C22orf23: variants seen among roughly 807,000 people sequenced by gnomAD.
C22orf23 encodes the protein chromosome 22 open reading frame 23.
A neutral mutation model predicts 29.7 loss-of-function variants in C22orf23; 30 were observed. That is an observed-to-expected ratio of 1.01 (90% CI 0.76 to 1.37). The LOEUF is 1.37. Among genes scored for constraint, C22orf23 ranks in the 40% most tolerant of loss-of-function variants. The probability of loss-of-function intolerance (pLI) is 0.00; values close to 1 mark genes in which losing one functional copy is unlikely to be tolerated. For missense variants in C22orf23, 237 were observed against 273.1 expected (o/e 0.87, Z 0.93); for synonymous variants, 90 against 96.1 (o/e 0.94, Z 0.37).
rs140207177 is a variant in C22orf23 at position 37,950,298 on chromosome 22, G to C, written c.166+1162C>G. On this transcript the variant is annotated intron_variant, in intron 3 of 6. Coordinates refer to ENST00000403305, the MANE Select transcript of C22orf23 (RefSeq NM_032561.5). ...CAGCTAATTTTTGTATTGGCATAGA[G>C]ACAGGGTTTTACCATGTTGGCCAGG... Among the ~76,000 whole-genome samples, 1,047 of 150,742 alleles carry C rather than the reference G, an allele frequency of 6.9e-3. 10 individuals carry two copies. The highest frequency in any genetic ancestry group is 0.014 in the Middle Eastern group (4 of 278).
At position 37,953,141 on chromosome 22, in the gene C22orf23, T is replaced by G; in HGVS notation, c.9A>C (p.Ser3=). 1 of 1,612,858 alleles carries G rather than the reference T, an allele frequency of 6.2e-7. No homozygotes were observed. Among genetic ancestry groups the G allele is most frequent in the Non-Finnish European group, 8.5e-7 (1 of 1,179,052 alleles). MA[S]QKQMEVVTKG... ...TGGTCACTACCTCCATCTGCTTCTGTGAAGCCATGGGAGGACTCTGAGGAG... is the reference window on the plus strand; with the variant it reads ...TGGTCACTACCTCCATCTGCTTCTGGGAAGCCATGGGAGGACTCTGAGGAG... Residue 3 remains serine (S), a synonymous_variant, in exon 2 of 7, where the codon TCA becomes TCC. Coordinates refer to ENST00000403305, the MANE Select transcript of C22orf23 (RefSeq NM_032561.5).
intron 1 of C22orf23, 76 bp downstream of exon 1, chr22:37,953,372 T>G (rs1183289967): frequency 3.5e-6 from 2 of 576,438 alleles, no homozygotes; most frequent in Non-Finnish European, 6.2e-6. Flanking sequence ...CAGGGAAGTC[T>G]CCTCGGGAGG....
In C22orf23 at chr22:37,952,979, A is replaced by G. The variant is rs1270395972; in HGVS notation, c.103+68T>C. ...CATTCCCCACACCTCCGTCAGTGGA[A>G]AAATTGTCTTCCACGAAACCGGTCC... is the stretch of plus-strand genomic sequence containing the variant. On this transcript the variant is annotated intron_variant, in intron 2 of 6. Transcript: ENST00000403305. The G allele has an allele frequency of 1.5e-5, 17 of 1,169,480 alleles. No individual in the cohort carries two copies. The East Asian group carries it at 4.0e-4, about 28-fold the overall frequency. The allele number at this position is 1,169,480 out of a possible 1,614,324, so 72.4% of individuals were successfully genotyped here.
chr22:37,948,633 A>C (rs957447633), intron 3 of C22orf23, among the ~76,000 whole-genome samples: 5 of 152,188 alleles, frequency 3.3e-5, no homozygotes, highest in African/African-American at 1.2e-4. Context: ...AAAACAAAAC[A>C]AAATGAAACA....
chr22:37,948,312 T>C (rs936106027), intron 3 of C22orf23, among the ~76,000 whole-genome samples: 5 of 151,870 alleles, frequency 3.3e-5, no homozygotes, highest in African/African-American at 1.2e-4. Context: ...TAGCCAGGCA[T>C]TATGACGGGT....
At chr22:37,946,593 A>G (rs1456184527) in intron 4 of C22orf23, among the ~76,000 whole-genome samples, 1 of 151,450 alleles carries the variant, frequency 6.6e-6, no homozygotes. Flanking sequence ...AAAAAAAAAA[A>G]AAAAGGCCGG....
chr22:37,945,020 G>A lies in C22orf23; in HGVS notation c.481+22C>T, dbSNP rs759177237. On this transcript the variant is annotated intron_variant, in intron 5 of 6. Coordinates refer to ENST00000403305, the MANE Select transcript of C22orf23 (RefSeq NM_032561.5). ...CTCACATTACCCCCACCCCCAGCATGACTGGTCCGTCGGAGTCTTACGCTC... is the reference window on the plus strand; with the variant it reads ...CTCACATTACCCCCACCCCCAGCATAACTGGTCCGTCGGAGTCTTACGCTC... The A allele has an allele frequency of 3.5e-5, 55 of 1,578,028 alleles. No homozygotes were observed. The South Asian group carries it at 6.0e-4, about 17-fold the overall frequency.
At position 37,944,081 on chromosome 22, in the gene C22orf23, G is replaced by A; in HGVS notation, c.*94C>T. The A allele has an allele frequency of 1.7e-6, 2 of 1,170,838 alleles. No homozygotes were observed. Among genetic ancestry groups the A allele is most frequent in the South Asian group, 1.2e-5 (1 of 81,908 alleles). 72.5% of individuals were successfully genotyped at this position (1,170,838 alleles called of 1,614,324 possible). The stretch of plus-strand genomic sequence containing the variant: ...CCACCACCTGACGTGGCAGAAGGCT[G>A]GTAGGATGGGCTGGCCTGAGGATGG... On this transcript the variant is annotated 3_prime_UTR_variant, in exon 7 of 7. Transcript: ENST00000403305.
At chr22:37,944,309 A>C in intron 6 of C22orf23, 63 bp from the exon 7 acceptor site, 3 of 1,613,790 alleles carry the variant, frequency 1.9e-6, no homozygotes, top group Non-Finnish European at 2.5e-6. Flanking sequence ...CTGTCACAGC[A>C]GTGAGCTAGA....
intron 2 of C22orf23, 72 bp from the exon 3 acceptor site, chr22:37,951,594 T>A (rs1406679816): frequency 7.6e-7 from 1 of 1,323,436 alleles, no homozygotes; most frequent in Admixed American, 1.7e-5. Context: ...CCTACTGAAA[T>A]TTAAAACCCT....
In C22orf23 at chr22:37,947,462, T is replaced by C; in HGVS notation, c.168A>G (p.Arg56=). Residue 56 remains arginine, a splice_region_variant and synonymous_variant, in exon 4 of 7, where the codon AGA becomes AGG. Coordinates refer to ENST00000403305, the MANE Select transcript of C22orf23 (RefSeq NM_032561.5). ...TGCACTGTAGGGGCAAAGCATCTCCTCCTGGGGAACGAAGAGTTGGGGTGG... is the reference window on the plus strand; with the variant it reads ...TGCACTGTAGGGGCAAAGCATCTCCCCCTGGGGAACGAAGAGTTGGGGTGG... The part of the protein sequence containing the change: ...QQRHIMDIMK[R]GDALPLQCSP... The C allele has an allele frequency of 6.9e-7, 1 of 1,451,970 alleles. No individual in the cohort carries two copies. The highest frequency in any genetic ancestry group is 1.5e-5 in the African/African-American group (1 of 67,244). The allele number at this position is 1,451,970 out of a possible 1,614,324, so 89.9% of individuals were successfully genotyped here.
intron 1 of C22orf23, 94 bp from the exon 2 acceptor site, chr22:37,953,252 G>C: frequency 1.2e-6 from 1 of 831,702 alleles, no homozygotes; most frequent in Non-Finnish European, 1.9e-6. Flanking sequence ...TGGAAGCGGG[G>C]ATCGAGCCAG....
At chr22:37,944,558 C>G (rs780278359) in intron 5 of C22orf23, 41 bp from the exon 6 acceptor site, 1 of 1,558,458 alleles carries the variant, frequency 6.4e-7, no homozygotes, top group South Asian at 1.1e-5. Context: ...ATGAGGGATG[C>G]AGGCAGCGGG....
chr22:37,951,609 C>T (rs1392595398), intron 2 of C22orf23, 87 bp from the exon 3 acceptor site: 9 of 1,184,294 alleles, frequency 7.6e-6, no homozygotes, highest in Non-Finnish European at 1.1e-5. Flanking sequence ...AACCCTACAT[C>T]CTAGCCCCAT....
At chr22:37,951,423 C>G in intron 3 of C22orf23, 37 bp downstream of exon 3, 1 of 1,572,242 alleles carries the variant, frequency 6.4e-7, no homozygotes, top group Non-Finnish European at 8.7e-7. Flanking sequence ...GGCCCCAGAT[C>G]CCTCTGTCCA....
At chr22:37,946,286 G>T (rs1930696989) in intron 4 of C22orf23, among the ~76,000 whole-genome samples, 1 of 151,038 alleles carries the variant, frequency 6.6e-6, no homozygotes. Context: ...GCTGGGCAGG[G>T]CATGGTGATG....
chr22:37,945,120 C>G lies in C22orf23; in HGVS notation c.403G>C (p.Asp135His). The stretch of plus-strand genomic sequence containing the variant: ...GCCTTTCTTTTCCGTTCCTCCATGT[C>G]CTTCCCTGTGGCAAAGATATTTTGG... ...RLQNIFATGKDMEERKRKAPP... is the reference protein window; with the variant it reads ...RLQNIFATGKHMEERKRKAPP... The change falls in exon 5 of 7, where the codon GAC (aspartate) becomes CAC (histidine). Residue 135 changes from aspartate to histidine, a missense_variant. By Grantham distance (81) the Asp-to-His change is moderately conservative (BLOSUM62 -1). Transcript: ENST00000403305. 1 of 1,613,788 alleles carries G rather than the reference C, an allele frequency of 6.2e-7. No individual in the cohort carries two copies. The highest frequency in any genetic ancestry group is 2.2e-5 in the East Asian group (1 of 44,834).
At chr22:37,953,204 T>TA in intron 1 of C22orf23, 46 bp from the exon 2 acceptor site, 1 of 1,349,412 alleles carries the variant, frequency 7.4e-7, no homozygotes, top group Non-Finnish European at 1.0e-6. Context: ...CTCCTGTCCC[T>TA]AATCTCTGTT....
At chr22:37,945,677 A>T (rs1210003815) in intron 4 of C22orf23, among the ~76,000 whole-genome samples, 1 of 146,396 alleles carries the variant, frequency 6.8e-6, no homozygotes, top group African/African-American at 2.5e-5. Context: ...TTTTTTTTTT[A>T]GTAGAGATGG....
Sources: gnomAD v4.1 joint callset for allele counts (sites outside exome capture counted in the v4.1 genomes callset) on GRCh38, gnomAD v4.1.1 for gene constraint, MANE v1.5 for transcripts, NCBI Gene and HGNC (gene_info 2026-07-23, HGNC 2026-07-21) for gene names.